Variants in OLFM2 observed in about 807,000 individuals in gnomAD.
OLFM2 encodes olfactomedin 2, also known as noelin-2.
OLFM2 carries 20 observed loss-of-function variants against 43.9 expected under a neutral mutation model. The ratio of observed to expected loss-of-function variants is 0.46; its 90% CI spans 0.32 to 0.66. The LOEUF is 0.66. Among genes scored for constraint, OLFM2 ranks in the 30% least tolerant of loss-of-function variants. The pLI is 0.04. For synonymous variants in OLFM2, 268 were observed against 278.6 expected, an observed-to-expected ratio of 0.96 and a Z score of 0.38; for missense variants, 416 against 643.6, an observed-to-expected ratio of 0.65 and a Z score of 3.83.
intron 1 of OLFM2, 71 bp from the exon 2 acceptor site, chr19:9,860,865 G>A (rs1460594930): frequency 2.7e-6 from 4 of 1,480,546 alleles, no homozygotes; most frequent in African/African-American, 1.4e-5. Flanking sequence ...GGGACAGGAA[G>A]GGGGCCCAAG....
At position 9,854,140 on chromosome 19, in the gene OLFM2, A is replaced by G. The variant is rs1427165044; in HGVS notation, c.*46T>C. 2 of 1,569,228 alleles carry G rather than the reference A, an allele frequency of 1.3e-6. No homozygotes were observed. The highest frequency in any genetic ancestry group is 4.5e-5 in the East Asian group (2 of 44,220). On this transcript the variant is annotated 3_prime_UTR_variant, in exon 6 of 6. Coordinates refer to ENST00000264833, the MANE Select transcript of OLFM2 (RefSeq NM_058164.4). This position sits in a 1 kb window ranked among gnomAD's most constrained non-coding sequence, Gnocchi z 9.5. ...CACAGGCAGAATGAAAAGGGCCCCC[A>G]GCCCCCAGAGGCCCCCCAGGCAGCA...
chr19:9,872,189 T>G (rs1394606531), intron 1 of OLFM2, among the ~76,000 whole-genome samples: 1 of 152,100 alleles, frequency 6.6e-6, no homozygotes, highest in Non-Finnish European at 1.5e-5. Flanking sequence ...TGGGCAAATA[T>G]CCCCTGAGTG....
chr19:9,936,060 G>C (rs536325068), intron 1 of OLFM2, among the ~76,000 whole-genome samples: 117 of 151,878 alleles, frequency 7.7e-4, no homozygotes, highest in Non-Finnish European at 1.4e-3. Flanking sequence ...TGGAGGGGTT[G>C]AGAACCCCAA....
At chr19:9,935,790 C>G (rs186317136) in intron 1 of OLFM2, among the ~76,000 whole-genome samples, 12 of 152,012 alleles carry the variant, frequency 7.9e-5, no homozygotes, top group African/African-American at 2.9e-4. Context: ...TCACACCCAA[C>G]CACGACACAA....
chr19:9,862,902 C>T (rs191340821), intron 1 of OLFM2, among the ~76,000 whole-genome samples: 9 of 139,614 alleles, frequency 6.4e-5, no homozygotes, highest in Non-Finnish European at 1.1e-4. Context: ...TTGAACCTGG[C>T]GGGGTGGGGG....
chr19:9,914,797 CCT>C lies in OLFM2; in HGVS notation c.63+21505_63+21506del, dbSNP rs556809005. On this transcript the variant is annotated intron_variant, in intron 1 of 5. Coordinates refer to ENST00000264833, the MANE Select transcript of OLFM2 (RefSeq NM_058164.4). ...AGGAGCGCCGGGCTAGTTTTAATTTCCTCTGTTTTGCCTGCACTCACGCCCCC... is the reference window on the plus strand; with the variant it reads ...AGGAGCGCCGGGCTAGTTTTAATTTCCTGTTTTGCCTGCACTCACGCCCCC... Among the ~76,000 whole-genome samples the C allele has an allele frequency of 2.6e-3, 389 of 152,092 alleles. 1 individual carries two copies. Among genetic ancestry groups the C allele is most frequent in the African/African-American group, 8.9e-3 (368 of 41,562 alleles).
chr19:9,860,907 G>A, intron 1 of OLFM2, 113 bp from the exon 2 acceptor site: 9 of 1,074,350 alleles, frequency 8.4e-6, no homozygotes, highest in South Asian at 3.2e-5. Context: ...TGGGCTCCGG[G>A]CATATGCCAG....
chr19:9,902,148 C>T (rs911574285), intron 1 of OLFM2, among the ~76,000 whole-genome samples: 71 of 151,582 alleles, frequency 4.7e-4, no homozygotes, highest in African/African-American at 1.6e-3. Flanking sequence ...CCTGCCTCAG[C>T]CTCCCGAGTA....
intron 1 of OLFM2, among the ~76,000 whole-genome samples, chr19:9,896,727 G>A (rs1341479670): frequency 6.6e-6 from 1 of 152,146 alleles, no homozygotes; most frequent in Admixed American, 6.6e-5. Context: ...CTTATTAGAA[G>A]CTACTAGAGC....
chr19:9,876,410 G>A (rs146709710), intron 1 of OLFM2, among the ~76,000 whole-genome samples: 1 of 152,260 alleles, frequency 6.6e-6, no homozygotes, highest in East Asian at 1.9e-4. Context: ...GGCCTCGAAG[G>A]CTGGACAGCA....
chr19:9,899,778 C>T (rs2046715227), intron 1 of OLFM2, among the ~76,000 whole-genome samples: 1 of 151,948 alleles, frequency 6.6e-6, no homozygotes, highest in Non-Finnish European at 1.5e-5. Context: ...GTCTTGAACT[C>T]CTGGGACCAA....
chr19:9,912,756 C>T (rs377478742), intron 1 of OLFM2, among the ~76,000 whole-genome samples: 44 of 151,964 alleles, frequency 2.9e-4, no homozygotes, highest in African/African-American at 6.0e-4. Flanking sequence ...GTGTCAGCTC[C>T]GGCCCCAGTC....
intron 1 of OLFM2, among the ~76,000 whole-genome samples, chr19:9,876,104 T>C (rs1262865762): frequency 1.3e-5 from 2 of 152,174 alleles, no homozygotes; most frequent in East Asian, 1.9e-4. Flanking sequence ...CCTGAAGTTT[T>C]TCAGACGTAA....
intron 1 of OLFM2, among the ~76,000 whole-genome samples, chr19:9,892,654 C>T (rs546106039): frequency 1.8e-4 from 28 of 152,224 alleles, no homozygotes; most frequent in Non-Finnish European, 2.9e-5. Context: ...GATGACGCCA[C>T]TGCACTCCAG....
intron 1 of OLFM2, among the ~76,000 whole-genome samples, chr19:9,906,146 A>T (rs1003647718): frequency 4.6e-5 from 7 of 152,190 alleles, no homozygotes; most frequent in African/African-American, 1.4e-4. Context: ...CCTCTGCCAC[A>T]GTCTACACGC....
Position 9,857,296 on chromosome 19 carries a change from C to T in OLFM2, c.547G>A (p.Glu183Lys). Reference protein sequence around the residue: ...EDLQQRVMALEARLHACAQKL... With the variant: ...EDLQQRVMALKARLHACAQKL... The stretch of plus-strand genomic sequence containing the variant: ...TGGGCGCAGGCGTGGAGCCGGGCCT[C>T]CAGGGCCATCACCCGTTGCTGCAGG... The change falls in exon 4 of 6, where the codon GAG becomes AAG. Residue 183 changes from glutamate (E) to lysine (K), a missense_variant. By Grantham distance (56) the Glu-to-Lys change is moderately conservative (BLOSUM62 1). Transcript: ENST00000264833. The surrounding 1 kb of genome is among the most constrained non-coding windows in gnomAD (Gnocchi z 5.7). The T allele has an allele frequency of 6.2e-7, 1 of 1,614,124 alleles. No individual in the cohort carries two copies. The highest frequency in any genetic ancestry group is 1.1e-5 in the South Asian group (1 of 91,082).
At chr19:9,904,152 TTGTG>T (rs56281493) in intron 1 of OLFM2, among the ~76,000 whole-genome samples, 14,587 of 127,016 alleles carry the variant, frequency 0.11, 770 homozygotes, top group East Asian at 0.22. Flanking sequence ...TGAGTATTGT[TTGTG>T]TGTGTGTGTG....
chr19:9,914,929 C>G (rs923159501), intron 1 of OLFM2, among the ~76,000 whole-genome samples: 2 of 152,106 alleles, frequency 1.3e-5, no homozygotes, highest in African/African-American at 4.8e-5. Flanking sequence ...AGGCGGCGGC[C>G]TGGGGCTGAG....
At chr19:9,906,475 C>T (rs929910762) in intron 1 of OLFM2, among the ~76,000 whole-genome samples, 2 of 152,228 alleles carry the variant, frequency 1.3e-5, no homozygotes, top group South Asian at 2.1e-4. Context: ...AGAAAGAGCG[C>T]GCCCAAGAGC....
Sources: allele counts gnomAD v4.1 joint callset (sites outside exome capture counted in the v4.1 genomes callset), GRCh38; gene constraint gnomAD v4.1.1; non-coding constraint Gnocchi (gnomAD v3.1); transcripts MANE v1.5; gene names NCBI Gene and HGNC (gene_info 2026-07-23, HGNC 2026-07-21).